SLX9: variants seen among roughly 807,000 people sequenced by gnomAD.
SLX9 encodes SLX9 ribosome biogenesis factor.
In SLX9, 19 loss-of-function variants were observed where a neutral mutation model predicts 20.8. That is an observed-to-expected ratio of 0.91 (90% confidence interval 0.64 to 1.34). SLX9 has a LOEUF of 1.34. Ranked by LOEUF, SLX9 falls within the 40% of genes most tolerant of loss-of-function variation. The probability of loss-of-function intolerance (pLI) is 0.00; values close to 1 mark genes in which losing one functional copy is unlikely to be tolerated. For synonymous variants in SLX9, 113 were observed against 137.1 expected, an observed-to-expected ratio of 0.82 and a Z score of 1.23; for missense variants, 299 against 322.2, an observed-to-expected ratio of 0.93 and a Z score of 0.55.
At chr21:44,969,715 C>G (rs926713725) in intron 4 of SLX9, among the ~76,000 whole-genome samples, 1 of 152,200 alleles carries the variant, frequency 6.6e-6, no homozygotes, top group Non-Finnish European at 1.5e-5. Flanking sequence ...ATGGAAGGAA[C>G]CAGTATCAAC....
Position 44,943,684 on chromosome 21 carries a change from G to T in SLX9, c.130G>T (p.Asp44Tyr). ...TPPPASAAGK[D>Y]WAFINTNIFA... is the part of the protein sequence containing the mutation. ...CGTCCGTTTTTGTTGGGGACATTAG[G>T]ACTGGGCGTTCATCAACACCAACAT... Residue 44 changes from aspartate to tyrosine, a missense_variant and splice_region_variant, in exon 2 of 6, where the codon GAC (aspartate) becomes TAC (tyrosine). By Grantham distance (160) the Asp-to-Tyr change is radical (BLOSUM62 -3). Transcript: ENST00000291634. 1 of 1,613,994 alleles carries T rather than the reference G, an allele frequency of 6.2e-7. No individual in the cohort carries two copies.
At chr21:44,941,860 C>T (rs2084556428) in intron 1 of SLX9, among the ~76,000 whole-genome samples, 1 of 152,306 alleles carries the variant, frequency 6.6e-6, no homozygotes, top group Non-Finnish European at 1.5e-5. Context: ...GTCAGCAACA[C>T]CCTTAGGCGT....
At chr21:44,948,126 A>G (rs181202607) in intron 2 of SLX9, among the ~76,000 whole-genome samples, 10 of 152,324 alleles carry the variant, frequency 6.6e-5, no homozygotes, top group South Asian at 4.1e-4. Context: ...CACGGCTCCA[A>G]TCCTTGGCAT....
chr21:44,974,114 A>G (rs748046801), intron 5 of SLX9, among the ~76,000 whole-genome samples: 1 of 152,204 alleles, frequency 6.6e-6, no homozygotes, highest in Non-Finnish European at 1.5e-5. Flanking sequence ...GCCTCTTTGC[A>G]GACTCAGCTC....
intron 3 of SLX9, among the ~76,000 whole-genome samples, chr21:44,963,356 C>G (rs950143089): frequency 6.8e-6 from 1 of 148,008 alleles, no homozygotes; most frequent in Non-Finnish European, 1.5e-5. Context: ...CCAAAGTGCT[C>G]GGATTACAGG....
intron 3 of SLX9, 25 bp from the exon 4 acceptor site, chr21:44,967,009 T>C (rs1277951662): frequency 3.1e-6 from 5 of 1,594,526 alleles, no homozygotes; most frequent in African/African-American, 1.3e-5. Context: ...CTTGTTTGCC[T>C]CTAACGTCGT....
chr21:44,945,210 A>G (rs1197453530), intron 2 of SLX9, among the ~76,000 whole-genome samples: 2 of 152,230 alleles, frequency 1.3e-5, no homozygotes, highest in East Asian at 1.9e-4. Context: ...ACATTTAACC[A>G]GTGCAGGTTT....
At chr21:44,943,136 G>C (rs1322463918) in intron 1 of SLX9, among the ~76,000 whole-genome samples, 1 of 152,124 alleles carries the variant, frequency 6.6e-6, no homozygotes, top group South Asian at 2.1e-4. Context: ...AGGGACGGGG[G>C]GGTTCTGTCT....
chr21:44,955,933 G>A (rs975807194), intron 2 of SLX9, among the ~76,000 whole-genome samples: 10 of 152,202 alleles, frequency 6.6e-5, no homozygotes, highest in African/African-American at 1.9e-4. Flanking sequence ...AGACACCGCC[G>A]GGAGCAGCAC....
chr21:44,955,519 T>A (rs1202858310), intron 2 of SLX9, among the ~76,000 whole-genome samples: 1 of 152,196 alleles, frequency 6.6e-6, no homozygotes, highest in Non-Finnish European at 1.5e-5. Context: ...TGTCTGCTCC[T>A]TTCTTTTTTT....
At chr21:44,972,366 G>A (rs1004051384) in intron 4 of SLX9, among the ~76,000 whole-genome samples, 4 of 152,238 alleles carry the variant, frequency 2.6e-5, no homozygotes, top group Non-Finnish European at 5.9e-5. Context: ...CTGAGGGTGA[G>A]AAGCTCCGCG....
At chr21:44,956,710 C>T (rs541998676) in intron 2 of SLX9, among the ~76,000 whole-genome samples, 1 of 152,356 alleles carries the variant, frequency 6.6e-6, no homozygotes, top group African/African-American at 2.4e-5. Flanking sequence ...GCTGATTTTC[C>T]TTAGGGTCCA....
At chr21:44,961,290 C>T (rs923397578) in intron 3 of SLX9, among the ~76,000 whole-genome samples, 1 of 151,872 alleles carries the variant, frequency 6.6e-6, no homozygotes, top group Admixed American at 6.6e-5. Context: ...ATAAAATGAT[C>T]GAATTTGTCT....
chr21:44,972,941 G>A, intron 4 of SLX9: 2 of 37,842 alleles, frequency 5.3e-5, no homozygotes, highest in East Asian at 6.2e-4. Context: ...AGCAGCTTGG[G>A]GCCCGCGGTC....
Position 44,943,786 on chromosome 21 carries a change from A to T in SLX9, c.232A>T (p.Arg78Trp). ...GGACGTGAGGAGTGTCACTTCCGTC[A>T]GGAGAGGTGAGGCAGGCTCGAGTGC... ...ELDVRSVTSV[R>W]RGEAGSSARS... Residue 78 changes from arginine (R) to tryptophan (W), a missense_variant, in exon 2 of 6, where the codon AGG (arginine) becomes TGG (tryptophan). Arg to Trp is a moderately radical substitution (Grantham distance 101). Coordinates refer to ENST00000291634, the MANE Select transcript of SLX9 (RefSeq NM_058190.4). The T allele has an allele frequency of 6.2e-7, 1 of 1,613,166 alleles. No homozygotes were observed. Among genetic ancestry groups the T allele is most frequent in the Non-Finnish European group, 8.5e-7 (1 of 1,179,970 alleles).
chr21:44,948,859 A>G (rs2084699548), intron 2 of SLX9, among the ~76,000 whole-genome samples: 1 of 152,202 alleles, frequency 6.6e-6, no homozygotes, highest in Non-Finnish European at 1.5e-5. Flanking sequence ...TCATGCCTCC[A>G]AGGGAGACTG....
intron 2 of SLX9, among the ~76,000 whole-genome samples, chr21:44,959,888 A>G (rs999558791): frequency 2.6e-5 from 4 of 151,758 alleles, no homozygotes; most frequent in African/African-American, 9.7e-5. Flanking sequence ...CTGCGGGGGG[A>G]CGCTGCTGAG....
intron 2 of SLX9, among the ~76,000 whole-genome samples, chr21:44,949,004 G>A (rs1601381433): frequency 1.3e-5 from 2 of 152,376 alleles, no homozygotes; most frequent in Middle Eastern, 6.8e-3. Flanking sequence ...TCCAGAGGGG[G>A]CCAAGGTGGC....
chr21:44,943,329 G>A (rs1272301546), intron 1 of SLX9, among the ~76,000 whole-genome samples: 1 of 152,236 alleles, frequency 6.6e-6, no homozygotes, highest in Non-Finnish European at 1.5e-5. Context: ...CTCAGCTGCA[G>A]GTTTCTTCTG....
Sources: gnomAD v4.1 joint callset for allele counts (sites outside exome capture counted in the v4.1 genomes callset) on GRCh38, gnomAD v4.1.1 for gene constraint, MANE v1.5 for transcripts, NCBI Gene and HGNC (gene_info 2026-07-23, HGNC 2026-07-21) for gene names.